Variants in SPATA17 observed in about 807,000 individuals in gnomAD.
SPATA17 encodes the protein spermatogenesis associated 17, also known as spermatogenesis-associated protein 17.
A neutral mutation model predicts 62.2 loss-of-function variants in SPATA17; 53 were observed. The ratio of observed to expected loss-of-function variants is 0.85; its 90% CI spans 0.68 to 1.07. The LOEUF (loss-of-function observed/expected upper bound fraction) is 1.07. Ranked by LOEUF, SPATA17 falls within the 50% of genes least tolerant of loss-of-function variation. SPATA17 has a pLI of 0.00. For missense variants in SPATA17, 466 were observed against 425.5 expected (o/e 1.10, Z -0.84); for synonymous variants, 146 against 146.8 (o/e 0.99, Z 0.04).
At chr1:217,706,521 T>C (rs1048986231) in intron 5 of SPATA17, among the ~76,000 whole-genome samples, 1 of 152,154 alleles carries the variant, frequency 6.6e-6, no homozygotes, top group Non-Finnish European at 1.5e-5. Flanking sequence ...TAAATGGTAG[T>C]TTTTTCTGTG....
chr1:217,681,651 C>G (rs1671088083), intron 4 of SPATA17, among the ~76,000 whole-genome samples: 1 of 152,078 alleles, frequency 6.6e-6, no homozygotes, highest in Non-Finnish European at 1.5e-5. Flanking sequence ...CCCGCCTTGG[C>G]CTCCCAAAGT....
At chr1:217,823,996 TA>T (rs1393244247) in intron 9 of SPATA17, among the ~76,000 whole-genome samples, 2 of 151,958 alleles carry the variant, frequency 1.3e-5, no homozygotes, top group African/African-American at 2.4e-5. Context: ...TCCTTACAGG[TA>T]AAGTAAGTCT....
chr1:217,786,629 G>T (rs1023980543), intron 8 of SPATA17, among the ~76,000 whole-genome samples: 1 of 152,096 alleles, frequency 6.6e-6, no homozygotes, highest in Non-Finnish European at 1.5e-5. Flanking sequence ...ATATAAATTT[G>T]ATTGTGAGAC....
At chr1:217,807,814 T>TGAAAAGG (rs1158209991) in intron 9 of SPATA17, among the ~76,000 whole-genome samples, 2 of 152,212 alleles carry the variant, frequency 1.3e-5, no homozygotes, top group African/African-American at 4.8e-5. Flanking sequence ...CTATAAGAGA[T>TGAAAAGG]GAAAAGGGAA....
chr1:217,856,025 G>A (rs901463631), intron 9 of SPATA17, among the ~76,000 whole-genome samples: 3 of 151,750 alleles, frequency 2.0e-5, no homozygotes, highest in Non-Finnish European at 2.9e-5. Flanking sequence ...GCACCTGGCC[G>A]ACAGATGGAA....
intron 3 of SPATA17, among the ~76,000 whole-genome samples, chr1:217,664,981 G>A (rs1395823558): frequency 6.6e-6 from 1 of 152,008 alleles, no homozygotes; most frequent in African/African-American, 2.4e-5. Context: ...GAATATGAAA[G>A]GGAGAAGAAA....
chr1:217,821,239 G>A (rs1674853443), intron 9 of SPATA17, among the ~76,000 whole-genome samples: 2 of 152,004 alleles, frequency 1.3e-5, no homozygotes, highest in Admixed American at 1.3e-4. Flanking sequence ...CAATAGCCTG[G>A]ATGAAATTTC....
At chr1:217,700,779 T>G (rs868484166) in intron 5 of SPATA17, among the ~76,000 whole-genome samples, 2 of 141,466 alleles carry the variant, frequency 1.4e-5, no homozygotes, top group Non-Finnish European at 3.1e-5. Context: ...TTTTTTTTTG[T>G]ATTTTTAGTA....
rs1490555739 is a variant in SPATA17, at chr1:217,871,260, CA to C, written c.*4242del. 1 of 152,100 alleles carries C rather than the reference CA, an allele frequency of 6.6e-6. No individual in the cohort carries two copies. The highest frequency in any genetic ancestry group is 1.5e-5 in the Non-Finnish European group (1 of 68,000). The allele number at this position is 152,100 out of a possible 1,614,324, so 9.4% of individuals were successfully genotyped here. A position where few individuals can be genotyped will look rare whatever the true frequency, so the allele number is the denominator to read the frequency against. ...TCAAGATTGTATTCTCATCTGGGGA[CA>C]TTATGAATCTTGTTATTTTATCCCC... On this transcript the variant is annotated 3_prime_UTR_variant, in exon 11 of 11. Coordinates refer to ENST00000366933, the MANE Select transcript of SPATA17 (RefSeq NM_138796.4).
chr1:217,785,974 A>G (rs1210358477), intron 8 of SPATA17, among the ~76,000 whole-genome samples: 1 of 152,152 alleles, frequency 6.6e-6, no homozygotes, highest in East Asian at 1.9e-4. Context: ...TCCCTCACTC[A>G]TATGTCTATC....
intron 9 of SPATA17, among the ~76,000 whole-genome samples, chr1:217,850,205 A>T (rs1355753350): frequency 6.6e-6 from 1 of 152,192 alleles, no homozygotes; most frequent in Non-Finnish European, 1.5e-5. Context: ...TTATAGAAGG[A>T]CTTTTGAAAT....
At chr1:217,632,756 G>A (rs1669837672) in intron 1 of SPATA17, among the ~76,000 whole-genome samples, 2 of 152,158 alleles carry the variant, frequency 1.3e-5, no homozygotes, top group Admixed American at 1.3e-4. Flanking sequence ...CCTGGTTTAA[G>A]TAAACATACT....
chr1:217,766,147 A>G (rs945698245), intron 6 of SPATA17, among the ~76,000 whole-genome samples: 6 of 151,888 alleles, frequency 4.0e-5, no homozygotes, highest in African/African-American at 1.4e-4. Context: ...TATTTAGACC[A>G]TTAGTGTTTA....
At chr1:217,641,534 G>A (rs1344073153) in intron 1 of SPATA17, among the ~76,000 whole-genome samples, 1 of 151,834 alleles carries the variant, frequency 6.6e-6, no homozygotes, top group Non-Finnish European at 1.5e-5. Context: ...AAGATAATAA[G>A]GAGTTAATGG....
intron 9 of SPATA17, among the ~76,000 whole-genome samples, chr1:217,834,867 C>T (rs1486033851): frequency 1.3e-5 from 2 of 152,130 alleles, no homozygotes; most frequent in African/African-American, 2.4e-5. Context: ...GTCCTGTAAG[C>T]TCCATTCATA....
intron 8 of SPATA17, among the ~76,000 whole-genome samples, chr1:217,795,961 C>T (rs1674143871): frequency 6.6e-6 from 1 of 151,966 alleles, no homozygotes. Context: ...CCACGCCCAG[C>T]TGATTTTTGT....
chr1:217,759,103 T>C (rs1156956034), intron 6 of SPATA17, among the ~76,000 whole-genome samples: 2 of 152,124 alleles, frequency 1.3e-5, no homozygotes, highest in Non-Finnish European at 2.9e-5. Flanking sequence ...TATGGGGGAA[T>C]AACCAGCAAG....
At chr1:217,806,515 GA>G (rs1313321300) in intron 9 of SPATA17, among the ~76,000 whole-genome samples, 1 of 152,124 alleles carries the variant, frequency 6.6e-6, no homozygotes, top group Non-Finnish European at 1.5e-5. Context: ...TAGAACCCAA[GA>G]AGTCCCACAA....
At chr1:217,795,206 T>C (rs960913133) in intron 8 of SPATA17, among the ~76,000 whole-genome samples, 2 of 152,112 alleles carry the variant, frequency 1.3e-5, no homozygotes, top group African/African-American at 2.4e-5. Flanking sequence ...GTCTTAAATA[T>C]ACTTTTATTT....
Sources: allele counts gnomAD v4.1 joint callset (sites outside exome capture counted in the v4.1 genomes callset), GRCh38; gene constraint gnomAD v4.1.1; transcripts MANE v1.5; gene names NCBI Gene and HGNC (gene_info 2026-07-23, HGNC 2026-07-21).